SCN3A: variants seen among roughly 807,000 people sequenced by gnomAD.
SCN3A encodes sodium channel protein type 3 subunit alpha.
A neutral mutation model predicts 187.6 loss-of-function variants in SCN3A; 60 were observed. The observed-to-expected ratio is 0.32, with a 90% CI of 0.26 to 0.40. The LOEUF (loss-of-function observed/expected upper bound fraction) is 0.40, where lower values mean the gene tolerates loss of function less well. Ranked by LOEUF, SCN3A falls within the 10% of genes least tolerant of loss-of-function variation. The pLI is 1.00. For synonymous variants in SCN3A, 788 were observed against 829.2 expected, an observed-to-expected ratio of 0.95 and a Z score of 0.85; for missense variants, 1,601 against 2,428.2, an observed-to-expected ratio of 0.66 and a Z score of 7.16.
chr2:165,109,990 C>T (rs1342736599), intron 21 of SCN3A, among the ~76,000 whole-genome samples: 1 of 152,018 alleles, frequency 6.6e-6, no homozygotes, highest in African/African-American at 2.4e-5. Context: ...CTTCTCCTCT[C>T]TTCTCCCAGG....
chr2:165,130,509 A>G, intron 16 of SCN3A: 1 of 574,072 alleles, frequency 1.7e-6, no homozygotes. Context: ...AAATAAAAAT[A>G]AAACATTTCA....
At chr2:165,131,445 A>C in intron 15 of SCN3A, 28 bp from the exon 16 acceptor site, 3 of 1,545,936 alleles carry the variant, frequency 1.9e-6, no homozygotes, top group Non-Finnish European at 8.8e-7. Flanking sequence ...GCACTACTTC[A>C]AGAGCACTGA....
rs1266946976 is a variant in SCN3A at position 165,088,707 on chromosome 2, A to G, written c.*1443T>C. On this transcript the variant is annotated 3_prime_UTR_variant, in exon 28 of 28. Coordinates refer to ENST00000283254, the MANE Select transcript of SCN3A (RefSeq NM_006922.4). Reference sequence around the variant, plus strand: ...ATAAAGTAAAATAAATTGTGATGTCATCAACCTGAAAATAATTTTCTTATG... The same window carrying G: ...ATAAAGTAAAATAAATTGTGATGTCGTCAACCTGAAAATAATTTTCTTATG... The G allele has an allele frequency of 6.6e-6, 1 of 152,612 alleles. No individual in the cohort carries two copies. Among genetic ancestry groups the G allele is most frequent in the African/African-American group, 2.4e-5 (1 of 41,472 alleles). 9.5% of individuals were successfully genotyped at this position (152,612 alleles called of 1,614,324 possible). A position where few individuals can be genotyped will look rare whatever the true frequency, so the allele number is the denominator to read the frequency against.
In SCN3A at chr2:165,168,763, T is replaced by G; in HGVS notation, c.446A>C (p.Asn149Thr). 2 of 1,611,896 alleles carry G rather than the reference T, an allele frequency of 1.2e-6. No homozygotes were observed. Among genetic ancestry groups the G allele is most frequent in the Non-Finnish European group, 1.7e-6 (2 of 1,178,246 alleles). Residue 149 changes from asparagine to threonine, a missense_variant, in exon 5 of 28, where the codon AAC becomes ACC. By Grantham distance (65) the Asn-to-Thr change is moderately conservative (BLOSUM62 0). Transcript: ENST00000283254. ...LTNCVFMTLS[N>T]PPDWTKNVEY... is the part of the protein sequence containing the mutation. ...TACATTCTTTGTCCAGTCAGGAGGG[T>G]TGCTCAAGGTCATAAATACACAGTT...
Position 165,130,085 on chromosome 2 carries a change from A to G in SCN3A, c.2777T>C (p.Met926Thr). Residue 926 changes from methionine (M) to threonine (T), a missense_variant, in exon 17 of 28, where the codon ATG becomes ACG. Coordinates refer to ENST00000283254, the MANE Select transcript of SCN3A (RefSeq NM_006922.4). ...CAGGAAGGAGTGGAAGAAGTCGTTC[A>G]TGTGCCACCGTGGGAGCGTACAGTC... ...NDDCTLPRWH[M>T]NDFFHSFLIV... is the part of the protein sequence containing the mutation. 6.2e-7 allele frequency: 1 copy of G among 1,614,170 alleles called. No homozygotes were observed. The highest frequency in any genetic ancestry group is 8.5e-7 in the Non-Finnish European group (1 of 1,180,012).
At chr2:165,184,164 A>G (rs1448785486) in intron 2 of SCN3A, among the ~76,000 whole-genome samples, 1 of 152,216 alleles carries the variant, frequency 6.6e-6, no homozygotes, top group Non-Finnish European at 1.5e-5. Context: ...AGGCATACAT[A>G]GAGCACTCAG....
At chr2:165,117,596 A>C (rs1240697232) in intron 18 of SCN3A, among the ~76,000 whole-genome samples, 1 of 152,132 alleles carries the variant, frequency 6.6e-6, no homozygotes, top group Non-Finnish European at 1.5e-5. Flanking sequence ...AGTTAAGTTG[A>C]GTTCATGAAG....
intron 15 of SCN3A, among the ~76,000 whole-genome samples, chr2:165,132,891 G>C (rs1210217873): frequency 6.6e-6 from 1 of 152,084 alleles, no homozygotes; most frequent in South Asian, 2.1e-4. Context: ...ATCTGACAAA[G>C]GGCTAATATC....
intron 21 of SCN3A, among the ~76,000 whole-genome samples, chr2:165,109,625 C>T (rs1407841836): frequency 1.3e-5 from 2 of 152,054 alleles, no homozygotes; most frequent in Admixed American, 6.6e-5. Context: ...TCTAAAATCT[C>T]CACTTTCTTG....
chr2:165,121,388 A>G (rs1376999400), intron 18 of SCN3A, among the ~76,000 whole-genome samples: 2 of 152,250 alleles, frequency 1.3e-5, no homozygotes, highest in African/African-American at 2.4e-5. Flanking sequence ...AACACAGTGT[A>G]AATAATAATA....
rs142901327 is a variant in SCN3A at position 165,156,194 on chromosome 2, A to G, written c.1032-291T>C. 5.7e-4 allele frequency among the ~76,000 whole-genome samples: 87 copies of G among 152,268 alleles called. 2 individuals are homozygous for G. The East Asian group carries it at 0.016, about 28-fold the overall frequency. On this transcript the variant is annotated intron_variant, in intron 9 of 27. Coordinates refer to ENST00000283254, the MANE Select transcript of SCN3A (RefSeq NM_006922.4). ...ACATTACCATATTTCTACTCTTTAC[A>G]AAGTGGCAAGAATCAATAGTTAAAA...
chr2:165,125,131 A>G (rs1041879390), intron 18 of SCN3A, among the ~76,000 whole-genome samples: 1 of 152,126 alleles, frequency 6.6e-6, no homozygotes, highest in Admixed American at 6.5e-5. Context: ...AACTGTCTTT[A>G]ATACCAAGCT....
At chr2:165,096,565 A>G in intron 23 of SCN3A, 45 bp from the exon 24 acceptor site, 1 of 1,395,110 alleles carries the variant, frequency 7.2e-7, no homozygotes, top group Non-Finnish European at 1.0e-6. Flanking sequence ...ATTTCACCTA[A>G]CAATGACATT....
intron 15 of SCN3A, among the ~76,000 whole-genome samples, chr2:165,132,938 A>G (rs1352097596): frequency 1.3e-5 from 2 of 152,226 alleles, no homozygotes; most frequent in African/African-American, 2.4e-5. Flanking sequence ...TTTACAAGAA[A>G]AAAACAAACA....
chr2:165,137,303 C>T (rs2105798566), intron 15 of SCN3A, among the ~76,000 whole-genome samples: 1 of 152,210 alleles, frequency 6.6e-6, no homozygotes, highest in South Asian at 2.1e-4. Flanking sequence ...ATATGTAAAC[C>T]CTTTTCTTAC....
intron 18 of SCN3A, among the ~76,000 whole-genome samples, chr2:165,125,281 C>T (rs1686918525): frequency 6.6e-6 from 1 of 151,996 alleles, no homozygotes; most frequent in African/African-American, 2.4e-5. Context: ...ATACCTATAG[C>T]CTCACATGCA....
At chr2:165,192,258 A>G (rs1434576823) in intron 1 of SCN3A, among the ~76,000 whole-genome samples, 1 of 152,138 alleles carries the variant, frequency 6.6e-6, no homozygotes, top group African/African-American at 2.4e-5. Flanking sequence ...TGCCAAGTTT[A>G]CTAGACTCTC....
intron 15 of SCN3A, among the ~76,000 whole-genome samples, chr2:165,132,854 A>G (rs1237593547): frequency 6.6e-6 from 1 of 152,064 alleles, no homozygotes; most frequent in African/African-American, 2.4e-5. Context: ...AACCTACAAA[A>G]TGGGAGGAAA....
Position 165,091,136 on chromosome 2 carries a change from C to T in SCN3A, c.5017G>A (p.Gly1673Arg). ...FLVMFIYAIFGMSNFAYVKKE... is the reference protein window; with the variant it reads ...FLVMFIYAIFRMSNFAYVKKE... ...TTAACATAGGCAAAGTTGGACATCC[C>T]AAAGATGGCATAGATAAACATGACC... Residue 1673 changes from glycine to arginine, a missense_variant, in exon 28 of 28, where the codon GGG becomes AGG. This residue lies in a region of SCN3A where 320 missense variants were observed against 623.2 expected (regional missense o/e 0.51). Coordinates refer to ENST00000283254, the MANE Select transcript of SCN3A (RefSeq NM_006922.4). 6.2e-7 allele frequency: 1 copy of T among 1,614,016 alleles called. No individual in the cohort carries two copies. The highest frequency in any genetic ancestry group is 8.5e-7 in the Non-Finnish European group (1 of 1,179,994).
Sources: gnomAD v4.1 joint callset for allele counts (sites outside exome capture counted in the v4.1 genomes callset) on GRCh38, gnomAD v4.1.1 for gene constraint, gnomAD v4.1.1 regional missense constraint, MANE v1.5 for transcripts, NCBI Gene and HGNC (gene_info 2026-07-23, HGNC 2026-07-21) for gene names.